The following USP34 variants were observed in gnomAD, a reference collection of about 807,000 sequenced individuals.
USP34 encodes ubiquitin carboxyl-terminal hydrolase 34.
Under a neutral mutation model 460.3 loss-of-function variants are expected in USP34, and 70 were observed. The ratio of observed to expected loss-of-function variants is 0.15; its 90% CI spans 0.13 to 0.19. The LOEUF (loss-of-function observed/expected upper bound fraction) is 0.19. USP34 is among the 10% of genes least tolerant of loss of function. The pLI is 1.00. For synonymous variants in USP34, 1,647 were observed against 1,405.3 expected (o/e 1.17, Z -3.85); for missense variants, 3,985 against 4,236.2 (o/e 0.94, Z 1.65).
intron 21 of USP34, 69 bp from the exon 22 acceptor site, chr2:61,319,396 G>T (rs1690845081): frequency 3.4e-6 from 4 of 1,180,670 alleles, no homozygotes; most frequent in Non-Finnish European, 4.5e-6. Context: ...TCTTAGGCAT[G>T]TGTATGTACA....
intron 20 of USP34, 49 bp downstream of exon 20, chr2:61,331,227 A>G: frequency 6.9e-7 from 1 of 1,454,728 alleles, no homozygotes; most frequent in Non-Finnish European, 9.4e-7. Flanking sequence ...CATCTTTCAA[A>G]GGAAAGACAT....
intron 43 of USP34, among the ~76,000 whole-genome samples, chr2:61,262,004 C>A (rs778800633): frequency 6.8e-6 from 1 of 146,516 alleles, no homozygotes; most frequent in Non-Finnish European, 1.5e-5. Context: ...GGCAGGAGAA[C>A]TGCCGGAACC....
chr2:61,457,906 C>T lies in USP34; in HGVS notation c.43+12744G>A, dbSNP rs140372228. Among the ~76,000 whole-genome samples the T allele has an allele frequency of 8.0e-3, 1,222 of 152,182 alleles. 49 individuals carry two copies. The highest frequency in any genetic ancestry group is 0.068 in the Admixed American group (1,040 of 15,272). On this transcript the variant is annotated intron_variant, in intron 1 of 79. Transcript: ENST00000398571. The stretch of plus-strand genomic sequence containing the variant: ...ACCATTTTATGAAGAGGGTGGCAAG[C>T]AAGACATCACAAAAGCAAGGACTGA...
At chr2:61,194,951 CAA>C (rs59097382) in intron 75 of USP34, among the ~76,000 whole-genome samples, 5,066 of 126,082 alleles carry the variant, frequency 0.04, 184 homozygotes, top group African/African-American at 0.11. Flanking sequence ...GAAACTCTGT[CAA>C]AAAAAAAAAA....
chr2:61,232,018 T>C (rs1687920445), intron 58 of USP34, among the ~76,000 whole-genome samples: 1 of 152,046 alleles, frequency 6.6e-6, no homozygotes, highest in South Asian at 2.1e-4. Context: ...TACCCAACAA[T>C]TTAAAGAAAA....
chr2:61,225,261 C>T (rs1687693798), intron 62 of USP34, among the ~76,000 whole-genome samples: 1 of 152,022 alleles, frequency 6.6e-6, no homozygotes, highest in African/African-American at 2.4e-5. Flanking sequence ...TTTCCAATGA[C>T]ATTAACAGTT....
intron 75 of USP34, 38 bp from the exon 76 acceptor site, chr2:61,193,018 T>C: frequency 1.4e-6 from 2 of 1,474,664 alleles, no homozygotes; most frequent in Non-Finnish European, 9.4e-7. Context: ...GTTATAATTA[T>C]AAATTATACT....
intron 27 of USP34, among the ~76,000 whole-genome samples, 183 bp from the exon 28 acceptor site, chr2:61,301,637 T>C (rs759608079): frequency 1.8e-4 from 27 of 152,358 alleles, no homozygotes; most frequent in Middle Eastern, 3.4e-3. Context: ...TCCTTTTAGC[T>C]GCCTACACCT....
chr2:61,240,514 G>C (rs1283001342), intron 53 of USP34, among the ~76,000 whole-genome samples: 1 of 151,814 alleles, frequency 6.6e-6, no homozygotes, highest in African/African-American at 2.4e-5. Flanking sequence ...TCCGGACCTC[G>C]TGATCCGCCC....
At chr2:61,379,156 G>A (rs913495562) in intron 7 of USP34, among the ~76,000 whole-genome samples, 6 of 152,170 alleles carry the variant, frequency 3.9e-5, no homozygotes, top group East Asian at 1.9e-4. Context: ...TATGAAACCC[G>A]GTACACAAGT....
Position 61,348,440 on chromosome 2 carries a change from C to G in USP34, c.1715G>C (p.Gly572Ala), listed in dbSNP as rs202026756. 3.1e-6 allele frequency: 5 copies of G among 1,613,448 alleles called. No individual in the cohort carries two copies. Among genetic ancestry groups the G allele is most frequent in the Non-Finnish European group, 3.4e-6 (4 of 1,179,884 alleles). ...QGSSDETANS[G>A]EDGSSGPGSS... ...ACCAGGACCACTGCTTCCATCTTCACCACTGTTGGCAGTTTCGTCAGAACT... is the reference window on the plus strand; with the variant it reads ...ACCAGGACCACTGCTTCCATCTTCAGCACTGTTGGCAGTTTCGTCAGAACT... The change falls in exon 15 of 80, where the codon GGT (glycine) becomes GCT (alanine). Residue 572 changes from glycine to alanine, a missense_variant. Physicochemically the swap from Gly to Ala is moderately conservative, Grantham distance 60. Coordinates refer to ENST00000398571, the MANE Select transcript of USP34 (RefSeq NM_014709.4).
At chr2:61,419,448 C>A (rs1292465864) in intron 2 of USP34, among the ~76,000 whole-genome samples, 1 of 152,112 alleles carries the variant, frequency 6.6e-6, no homozygotes, top group Non-Finnish European at 1.5e-5. Flanking sequence ...ATATGAAAAT[C>A]TCCTTTATAA....
At chr2:61,280,996 A>C in intron 38 of USP34, 94 bp downstream of exon 38, 1 of 1,360,508 alleles carries the variant, frequency 7.4e-7, no homozygotes, top group Non-Finnish European at 9.9e-7. Flanking sequence ...ACAGTAGTCA[A>C]ATGATCAAAA....
In USP34 at chr2:61,206,044, G is replaced by A; in HGVS notation, c.9127C>T (p.Pro3043Ser). 1.2e-6 allele frequency: 2 copies of A among 1,613,578 alleles called. No individual in the cohort carries two copies. Among genetic ancestry groups the A allele is most frequent in the East Asian group, 2.2e-5 (1 of 44,818 alleles). Reference sequence around the variant, plus strand: ...ATACAGGCATTTCTAAGTTCTGGAGGACTATAGGAATTAAGAAGAGTTAAC... The same window carrying A: ...ATACAGGCATTTCTAAGTTCTGGAGAACTATAGGAATTAAGAAGAGTTAAC... ...KLLTLLNSYS[P>S]PELRNACIDV... The change falls in exon 72 of 80, where the codon CCT becomes TCT. Residue 3043 changes from proline to serine, a missense_variant. Pro to Ser is a moderately conservative substitution (Grantham distance 74). Coordinates refer to ENST00000398571, the MANE Select transcript of USP34 (RefSeq NM_014709.4).
chr2:61,204,551 G>C lies in USP34; in HGVS notation c.9205C>G (p.Leu3069Val), dbSNP rs761851684. ...LLSPHDFLHT[L>V]VPFLQHNHCT... Reference sequence around the variant, plus strand: ...TGGTTGTGTTGTAGAAAGGGAACCAGAGTATGAAGAAAATCATGGGGACTC... The same window carrying C: ...TGGTTGTGTTGTAGAAAGGGAACCACAGTATGAAGAAAATCATGGGGACTC... Residue 3069 changes from leucine to valine, a missense_variant, in exon 73 of 80, where the codon CTG becomes GTG. Physicochemically the swap from Leu to Val is conservative, Grantham distance 32. Around this residue, in one of 14 missense-constraint regions of USP34, gnomAD observed 275 missense variants for 292.7 expected, o/e 0.94. Transcript: ENST00000398571. The C allele has an allele frequency of 1.9e-6, 3 of 1,614,148 alleles. No individual in the cohort carries two copies. The highest frequency in any genetic ancestry group is 2.2e-5 in the East Asian group (1 of 44,872).
At chr2:61,458,875 G>A (rs1292907659) in intron 1 of USP34, among the ~76,000 whole-genome samples, 1 of 152,062 alleles carries the variant, frequency 6.6e-6, no homozygotes, top group East Asian at 1.9e-4. Flanking sequence ...AGACCAGCCT[G>A]GTCAACATGG....
intron 75 of USP34, chr2:61,193,223 CTT>C (rs1283530641): frequency 3.1e-6 from 1 of 320,958 alleles, no homozygotes; most frequent in Non-Finnish European, 5.7e-6. Context: ...ATCAACTCTT[CTT>C]TTTTGAGTAT....
At chr2:61,414,988 A>G (rs1163804816) in intron 2 of USP34, among the ~76,000 whole-genome samples, 1 of 152,182 alleles carries the variant, frequency 6.6e-6, no homozygotes, top group Admixed American at 6.5e-5. Flanking sequence ...GAGGGGACCA[A>G]TTAGAGGTAA....
intron 34 of USP34, among the ~76,000 whole-genome samples, chr2:61,286,688 GA>G (rs1188960039): frequency 6.6e-6 from 1 of 151,854 alleles, no homozygotes; most frequent in Non-Finnish European, 1.5e-5. Context: ...CATGTGCATA[GA>G]AAAAAATCTC....
Sources: allele counts gnomAD v4.1 joint callset (sites outside exome capture counted in the v4.1 genomes callset), GRCh38; gene constraint gnomAD v4.1.1; regional missense constraint gnomAD v4.1.1; transcripts MANE v1.5; gene names NCBI Gene and HGNC (gene_info 2026-07-23, HGNC 2026-07-21).